Variants in SLC24A2 observed in about 807,000 individuals in gnomAD.
SLC24A2 encodes sodium/potassium/calcium exchanger 2.
SLC24A2 carries 36 observed loss-of-function variants against 62.0 expected under a neutral mutation model. The observed-to-expected ratio is 0.58, with a 90% confidence interval of 0.44 to 0.77. The LOEUF (loss-of-function observed/expected upper bound fraction) is 0.77. Among genes scored for constraint, SLC24A2 ranks in the 30% least tolerant of loss-of-function variants. The pLI is 0.00. For synonymous variants in SLC24A2, 358 were observed against 294.0 expected, an observed-to-expected ratio of 1.22 and a Z score of -2.23; for missense variants, 846 against 817.9, an observed-to-expected ratio of 1.03 and a Z score of -0.42.
At chr9:19,829,795 GTGTATATATA>G in the SLC24A2 span, among the ~76,000 whole-genome samples, 2 of 36,120 alleles carry the variant, frequency 5.5e-5, no homozygotes, top group South Asian at 9.3e-4. Context: ...GTGTGTGTGT[GTGTATATATA>G]TATATACACA....
chr9:20,277,080 T>C, the SLC24A2 span, among the ~76,000 whole-genome samples: 1 of 152,206 alleles, frequency 6.6e-6, no homozygotes, highest in African/African-American at 2.4e-5. Context: ...TTTGCAAATT[T>C]CTGCCGCCAG....
chr9:19,678,068 G>T (rs1440832234), intron 2 of SLC24A2, among the ~76,000 whole-genome samples: 2 of 152,114 alleles, frequency 1.3e-5, no homozygotes, highest in East Asian at 3.9e-4. Flanking sequence ...TTAAGCAGAT[G>T]ACTCAACCCC....
At chr9:20,272,657 T>C in the SLC24A2 span, among the ~76,000 whole-genome samples, 13 of 152,286 alleles carry the variant, frequency 8.5e-5, 1 homozygote, top group African/African-American at 1.7e-4. Flanking sequence ...GGTAAACCAA[T>C]TGACTGATCA....
chr9:19,730,319 A>G (rs1036138971), intron 2 of SLC24A2, among the ~76,000 whole-genome samples: 1 of 152,240 alleles, frequency 6.6e-6, no homozygotes, highest in Non-Finnish European at 1.5e-5. Flanking sequence ...AATTGCATTT[A>G]TCCTACAGAT....
the SLC24A2 span, among the ~76,000 whole-genome samples, chr9:20,240,663 G>A: frequency 6.6e-6 from 1 of 152,060 alleles, no homozygotes; most frequent in South Asian, 2.1e-4. Flanking sequence ...GGTTTTAAAT[G>A]ACTAGGAACT....
the SLC24A2 span, among the ~76,000 whole-genome samples, chr9:20,175,004 G>C: frequency 0.013 from 1,534 of 119,784 alleles, 30 homozygotes; most frequent in African/African-American, 0.045. Flanking sequence ...ATATATATCA[G>C]TTTCTGAATT....
chr9:19,771,592 C>T (rs1822690829), intron 2 of SLC24A2, among the ~76,000 whole-genome samples: 1 of 152,168 alleles, frequency 6.6e-6, no homozygotes, highest in South Asian at 2.1e-4. Flanking sequence ...ACTCCATCCA[C>T]CATGCCACCA....
At chr9:20,078,489 A>T in the SLC24A2 span, among the ~76,000 whole-genome samples, 2 of 152,270 alleles carry the variant, frequency 1.3e-5, no homozygotes, top group Non-Finnish European at 2.9e-5. Flanking sequence ...CAAGAACAAG[A>T]TGGTCAGGTT....
intron 2 of SLC24A2, among the ~76,000 whole-genome samples, chr9:19,701,798 A>G (rs1401615054): frequency 6.6e-6 from 1 of 152,184 alleles, no homozygotes; most frequent in African/African-American, 2.4e-5. Context: ...GCTGAAATCA[A>G]TCATATCAGG....
chr9:19,605,460 A>C (rs926746682), intron 4 of SLC24A2, among the ~76,000 whole-genome samples: 1 of 152,222 alleles, frequency 6.6e-6, no homozygotes, highest in East Asian at 1.9e-4. Flanking sequence ...CTGTAAATAC[A>C]GAGATTAAAA....
At chr9:19,533,304 C>T (rs910607067) in intron 8 of SLC24A2, among the ~76,000 whole-genome samples, 1 of 152,164 alleles carries the variant, frequency 6.6e-6, no homozygotes, top group African/African-American at 2.4e-5. Context: ...TTTCCCCTCT[C>T]TTTCCTCTCC....
intron 5 of SLC24A2, among the ~76,000 whole-genome samples, chr9:19,595,915 A>C (rs1264056215): frequency 6.6e-6 from 1 of 152,140 alleles, no homozygotes; most frequent in Non-Finnish European, 1.5e-5. Context: ...GGCTCCTTCT[A>C]TCCCCTTGGT....
chr9:19,802,243 G>C, the SLC24A2 span, among the ~76,000 whole-genome samples: 5 of 152,162 alleles, frequency 3.3e-5, no homozygotes, highest in Non-Finnish European at 7.3e-5. Flanking sequence ...ATAAAACTCT[G>C]TATTTTGGGA....
the SLC24A2 span, among the ~76,000 whole-genome samples, chr9:19,833,360 A>G: frequency 6.6e-6 from 1 of 152,140 alleles, no homozygotes; most frequent in African/African-American, 2.4e-5. Flanking sequence ...CACTTGGAAA[A>G]TTGGGTCACT....
rs113661011 is a variant in SLC24A2, at chr9:19,620,316, T to C, written c.970-624A>G. 4.0e-3 allele frequency among the ~76,000 whole-genome samples: 603 copies of C among 152,320 alleles called. 3 individuals are homozygous for C. Among genetic ancestry groups the C allele is most frequent in the African/African-American group, 0.013 (552 of 41,562 alleles). On this transcript the variant is annotated intron_variant, in intron 3 of 10. Coordinates refer to ENST00000341998, the MANE Select transcript of SLC24A2 (RefSeq NM_020344.4). ...AGTAAATGACGAAGTGCTAATATTTTCTCCTTGCTTCCCAGAGTCTTGCAC... is the reference window on the plus strand; with the variant it reads ...AGTAAATGACGAAGTGCTAATATTTCCTCCTTGCTTCCCAGAGTCTTGCAC...
chr9:19,920,517 G>A, the SLC24A2 span, among the ~76,000 whole-genome samples: 2 of 152,290 alleles, frequency 1.3e-5, no homozygotes, highest in East Asian at 3.9e-4. Flanking sequence ...AAGTGAAACA[G>A]GGGAGGGAAG....
intron 2 of SLC24A2, among the ~76,000 whole-genome samples, chr9:19,684,827 A>C (rs1819832559): frequency 6.6e-6 from 1 of 152,060 alleles, no homozygotes. Flanking sequence ...CCTGTTCAAC[A>C]TGGTACTAAT....
chr9:20,060,108 A>G, the SLC24A2 span, among the ~76,000 whole-genome samples: 1 of 152,154 alleles, frequency 6.6e-6, no homozygotes, highest in Non-Finnish European at 1.5e-5. Flanking sequence ...GCTCTTGAAG[A>G]AATACAAAAT....
the SLC24A2 span, among the ~76,000 whole-genome samples, chr9:20,186,068 T>G: frequency 6.6e-6 from 1 of 152,214 alleles, no homozygotes; most frequent in East Asian, 1.9e-4. Context: ...TTGGGTGCCA[T>G]GATGAGGCTT....
Sources: allele counts gnomAD v4.1 joint callset (sites outside exome capture counted in the v4.1 genomes callset), GRCh38; gene constraint gnomAD v4.1.1; transcripts MANE v1.5; gene names NCBI Gene and HGNC (gene_info 2026-07-23, HGNC 2026-07-21).